Variants in ZZEF1 observed in about 807,000 individuals in gnomAD.
ZZEF1 encodes the protein zinc finger ZZ-type and EF-hand domain containing 1.
ZZEF1 carries 157 observed loss-of-function variants against 342.8 expected under a neutral mutation model. The ratio of observed to expected loss-of-function variants is 0.46; its 90% CI spans 0.40 to 0.52. ZZEF1 has a LOEUF of 0.52. Ranked by LOEUF, ZZEF1 falls within the 20% of genes least tolerant of loss-of-function variation. The pLI, the probability that ZZEF1 is intolerant of heterozygous loss-of-function variation, is 0.00. For synonymous variants in ZZEF1, 1,505 were observed against 1,429.1 expected, an observed-to-expected ratio of 1.05 and a Z score of -1.20; for missense variants, 3,480 against 3,725.6, an observed-to-expected ratio of 0.93 and a Z score of 1.72.
intron 30 of ZZEF1, among the ~76,000 whole-genome samples, chr17:4,059,797 G>A (rs987193271): frequency 3.3e-5 from 5 of 151,974 alleles, no homozygotes; most frequent in South Asian, 2.1e-4. Context: ...TCTCTTCCAC[G>A]CCCTTAGCCA....
At position 4,009,588 on chromosome 17, in the gene ZZEF1, A is replaced by C; in HGVS notation, c.8733+16T>G. Reference sequence around the variant, plus strand: ...CATGGAGGCACCGGGCTCCCTGCCCAGACCTCAGGCCTCACCTGGGCACGG... The same window carrying C: ...CATGGAGGCACCGGGCTCCCTGCCCCGACCTCAGGCCTCACCTGGGCACGG... On this transcript the variant is annotated intron_variant, in intron 53 of 54. Transcript: ENST00000381638. 1.2e-6 allele frequency: 2 copies of C among 1,612,294 alleles called. No individual in the cohort carries two copies. The highest frequency in any genetic ancestry group is 1.7e-6 in the Non-Finnish European group (2 of 1,179,916).
rs2055787768 is a variant in ZZEF1 at position 4,005,785 on chromosome 17, G to A, written c.*1105C>T. Reference sequence around the variant, plus strand: ...CCCTAAAGGCATGCTCCAACCCCACGGGTCCCACTAAGGCCGGCACGCAGC... The same window carrying A: ...CCCTAAAGGCATGCTCCAACCCCACAGGTCCCACTAAGGCCGGCACGCAGC... On this transcript the variant is annotated 3_prime_UTR_variant, in exon 55 of 55. Coordinates refer to ENST00000381638, the MANE Select transcript of ZZEF1 (RefSeq NM_015113.4). 6.6e-6 allele frequency: 1 copy of A among 152,278 alleles called. No individual in the cohort carries two copies. The highest frequency in any genetic ancestry group is 1.5e-5 in the Non-Finnish European group (1 of 68,104). The allele number at this position is 152,278 out of a possible 1,614,324, so 9.4% of individuals were successfully genotyped here. A position where few individuals can be genotyped will look rare whatever the true frequency, so the allele number is the denominator to read the frequency against.
At chr17:4,096,326 C>G (rs1290891169) in intron 10 of ZZEF1, among the ~76,000 whole-genome samples, 2 of 151,762 alleles carry the variant, frequency 1.3e-5, no homozygotes, top group African/African-American at 4.8e-5. Context: ...AACCAAAACA[C>G]CAATGACGTG....
Position 4,087,270 on chromosome 17 carries a change from TA to T in ZZEF1, c.2342+163del, listed in dbSNP as rs1478487773. ...TGCTTACTACTGCCTAAATATTTTA[TA>T]GAAATCTGAGGTGTTATTTTCAATA... is the stretch of plus-strand genomic sequence containing the variant. On this transcript the variant is annotated intron_variant, in intron 14 of 54. Coordinates refer to ENST00000381638, the MANE Select transcript of ZZEF1 (RefSeq NM_015113.4). Among the ~76,000 whole-genome samples, 4 of 152,126 alleles carry T rather than the reference TA, an allele frequency of 2.6e-5. No individual in the cohort carries two copies. The East Asian group carries it at 7.7e-4, about 29-fold the overall frequency.
At chr17:4,009,809 C>G in intron 52 of ZZEF1, 52 bp from the exon 53 acceptor site, 1 of 1,588,182 alleles carries the variant, frequency 6.3e-7, no homozygotes, top group Non-Finnish European at 8.6e-7. Context: ...ATGCCAAGGT[C>G]ACATGGCTTA....
rs753658918 is a variant in ZZEF1, at chr17:4,088,653, C to T, written c.2241+25G>A. 1.9e-5 allele frequency: 31 copies of T among 1,610,030 alleles called. No individual in the cohort carries two copies. In the East Asian group the frequency reaches 4.5e-4, roughly 23 times the overall value. On this transcript the variant is annotated intron_variant, in intron 13 of 54. Transcript: ENST00000381638. ...TCATTCACTTTTCCTAAAGGAATGCCGTCTAACAACTGAGGAAGCCCTACC... is the reference window on the plus strand; with the variant it reads ...TCATTCACTTTTCCTAAAGGAATGCTGTCTAACAACTGAGGAAGCCCTACC...
rs1308466746 is a variant in ZZEF1 at position 4,050,951 on chromosome 17, T to C, written c.5693A>G (p.Tyr1898Cys). The C allele has an allele frequency of 6.2e-7, 1 of 1,613,876 alleles. No homozygotes were observed. Among genetic ancestry groups the C allele is most frequent in the Non-Finnish European group, 8.5e-7 (1 of 1,180,004 alleles). Residue 1898 changes from tyrosine (Y) to cysteine (C), a missense_variant, in exon 36 of 55, where the codon TAC becomes TGC. Physicochemically the swap from Tyr to Cys is radical, Grantham distance 194. This residue lies in a region of ZZEF1 where 175 missense variants were observed against 254.6 expected (regional missense o/e 0.69). Coordinates refer to ENST00000381638, the MANE Select transcript of ZZEF1 (RefSeq NM_015113.4). ...CAGGGCAGCAAAGAGCAGCCAGGAG[T>C]AGTTATGGATATATGGCTGGATGAG... Reference protein sequence around the residue: ...QRLIQPYIHNYSWLLFAALAL... With the variant: ...QRLIQPYIHNCSWLLFAALAL...
intron 39 of ZZEF1, among the ~76,000 whole-genome samples, chr17:4,038,611 C>A (rs2056728824): frequency 6.6e-6 from 1 of 152,104 alleles, no homozygotes; most frequent in Admixed American, 6.6e-5. Flanking sequence ...TCAAGACCAG[C>A]CTGGCCAACA....
chr17:4,129,397 A>C (rs1464200508), intron 1 of ZZEF1, among the ~76,000 whole-genome samples: 1 of 152,224 alleles, frequency 6.6e-6, no homozygotes, highest in Non-Finnish European at 1.5e-5. Flanking sequence ...CAGAGGAAGA[A>C]ATATCATTCC....
At chr17:4,066,602 G>A in intron 27 of ZZEF1, 62 bp from the exon 28 acceptor site, 2 of 1,441,358 alleles carry the variant, frequency 1.4e-6, no homozygotes, top group South Asian at 2.3e-5. Flanking sequence ...GACAGCCATG[G>A]CAAACTACTT....
intron 37 of ZZEF1, among the ~76,000 whole-genome samples, chr17:4,047,983 A>G (rs2056961684): frequency 6.6e-6 from 1 of 152,136 alleles, no homozygotes; most frequent in Non-Finnish European, 1.5e-5. Flanking sequence ...CATTGAATTA[A>G]AAAAAACCCA....
At chr17:4,139,293 C>A (rs1273306899) in intron 1 of ZZEF1, among the ~76,000 whole-genome samples, 1 of 151,922 alleles carries the variant, frequency 6.6e-6, no homozygotes, top group Non-Finnish European at 1.5e-5. Context: ...GCTGCGTGGA[C>A]ACCAATGGCA....
chr17:4,107,492 T>C (rs1349189815), intron 6 of ZZEF1, among the ~76,000 whole-genome samples: 1 of 152,098 alleles, frequency 6.6e-6, no homozygotes, highest in Non-Finnish European at 1.5e-5. Flanking sequence ...TGATATGGAA[T>C]GCAGGCACCA....
intron 7 of ZZEF1, among the ~76,000 whole-genome samples, chr17:4,105,167 CT>C (rs1034183947): frequency 2.6e-5 from 4 of 152,298 alleles, no homozygotes; most frequent in African/African-American, 7.2e-5. Flanking sequence ...CTGAATTACA[CT>C]TCTTTGCTTT....
chr17:4,049,710 T>A lies in ZZEF1; in HGVS notation c.6013A>T (p.Asn2005Tyr). 1 of 1,614,002 alleles carries A rather than the reference T, an allele frequency of 6.2e-7. No homozygotes were observed. Among genetic ancestry groups the A allele is most frequent in the African/African-American group, 1.3e-5 (1 of 75,000 alleles). Residue 2005 changes from asparagine (N) to tyrosine (Y), a missense_variant and splice_region_variant, in exon 37 of 55, where the codon AAT becomes TAT. By Grantham distance (143) the Asn-to-Tyr change is moderately radical. Transcript: ENST00000381638. ...TGTAGTAAAGAATCGTCATTTACATTGCCTGCTTCTGACAGCTCAGCACCC... is the reference window on the plus strand; with the variant it reads ...TGTAGTAAAGAATCGTCATTTACATAGCCTGCTTCTGACAGCTCAGCACCC... ...VQGAELSEAG[N>Y]GKRAVHEEIR...
In ZZEF1 at chr17:4,042,555, T is replaced by C; in HGVS notation, c.6180A>G (p.Ser2060=). ...CTATGGGCTTCTGAGATGACACTTC[T>C]GAATCTTCAGCATCTAAGTGGTAAA... is the stretch of plus-strand genomic sequence containing the variant. ...PPTGLPDAED[S]EVSSQKPIEE... The change falls in exon 39 of 55, where the codon TCA becomes TCG. Residue 2060 remains serine, a synonymous_variant. Coordinates refer to ENST00000381638, the MANE Select transcript of ZZEF1 (RefSeq NM_015113.4). 6.2e-7 allele frequency: 1 copy of C among 1,611,048 alleles called. No individual in the cohort carries two copies. The highest frequency in any genetic ancestry group is 1.3e-5 in the African/African-American group (1 of 74,872).
Position 4,142,619 on chromosome 17 carries a change from C to G in ZZEF1, c.277G>C (p.Glu93Gln). Reference protein sequence around the residue: ...WLEERLGRGEESVTLEQFREL... With the variant: ...WLEERLGRGEQSVTLEQFREL... The stretch of plus-strand genomic sequence containing the variant: ...CGGAACTGCTCCAGAGTGACAGACT[C>G]TTCGCCGCGGCCCAGCCGCTCTTCC... Residue 93 changes from glutamate (E) to glutamine (Q), a missense_variant, in exon 1 of 55, where the codon GAG becomes CAG. Glu to Gln is a conservative substitution (Grantham distance 29). This residue lies in a region of ZZEF1 where 416 missense variants were observed against 374.2 expected (regional missense o/e 1.11). Transcript: ENST00000381638. The G allele has an allele frequency of 6.2e-7, 1 of 1,605,456 alleles. No homozygotes were observed. The highest frequency in any genetic ancestry group is 8.5e-7 in the Non-Finnish European group (1 of 1,179,680).
At chr17:4,054,390 G>A (rs1406813462) in intron 33 of ZZEF1, among the ~76,000 whole-genome samples, 195 bp from the exon 34 acceptor site, 1 of 152,222 alleles carries the variant, frequency 6.6e-6, no homozygotes, top group South Asian at 2.1e-4. Flanking sequence ...AGTATGACCA[G>A]TGCTTTCACA....
chr17:4,033,790 G>A (rs1597789747), intron 40 of ZZEF1: 2 of 583,760 alleles, frequency 3.4e-6, no homozygotes, highest in South Asian at 4.3e-5. Context: ...AGTTGAATCA[G>A]CAGCCAGTGT....
Sources: allele counts gnomAD v4.1 joint callset (sites outside exome capture counted in the v4.1 genomes callset), GRCh38; gene constraint gnomAD v4.1.1; regional missense constraint gnomAD v4.1.1; transcripts MANE v1.5; gene names NCBI Gene and HGNC (gene_info 2026-07-23, HGNC 2026-07-21).